FBXO28: variants seen among roughly 807,000 people sequenced by gnomAD.
The protein encoded by FBXO28 is F-box only protein 28.
Under a neutral mutation model 38.1 loss-of-function variants are expected in FBXO28, and 8 were observed. That is an observed-to-expected ratio of 0.21 (90% CI 0.12 to 0.38). The LOEUF is 0.38. FBXO28 is among the 10% of genes least tolerant of loss of function. FBXO28 has a pLI of 1.00. For missense variants in FBXO28, 345 were observed against 460.6 expected (o/e 0.75, Z 2.30); for synonymous variants, 168 against 173.8 (o/e 0.97, Z 0.26).
At chr1:224,154,694 G>C (rs544199051) in intron 4 of FBXO28, among the ~76,000 whole-genome samples, 11 of 152,116 alleles carry the variant, frequency 7.2e-5, no homozygotes, top group African/African-American at 1.4e-4. Flanking sequence ...TGTAGTTCCA[G>C]CTACTCAGGA....
intron 1 of FBXO28, among the ~76,000 whole-genome samples, chr1:224,128,292 C>T (rs1431725635): frequency 1.3e-5 from 2 of 150,644 alleles, no homozygotes; most frequent in Admixed American, 6.7e-5. Flanking sequence ...TGTACTGCAA[C>T]GTCTACCCCA....
At chr1:224,155,245 A>G (rs1013893075) in intron 4 of FBXO28, among the ~76,000 whole-genome samples, 1 of 151,718 alleles carries the variant, frequency 6.6e-6, no homozygotes. Flanking sequence ...TGCTCACTGC[A>G]ACGTCCGCCT....
intron 4 of FBXO28, among the ~76,000 whole-genome samples, chr1:224,154,173 C>G (rs1355972354): frequency 6.6e-6 from 1 of 152,208 alleles, no homozygotes; most frequent in South Asian, 2.1e-4. Flanking sequence ...GCCTAACCTA[C>G]CTTAAACATG....
chr1:224,154,497 C>T (rs112976434), intron 4 of FBXO28, among the ~76,000 whole-genome samples: 5 of 150,764 alleles, frequency 3.3e-5, no homozygotes, highest in African/African-American at 9.8e-5. Context: ...ATGGTAAAAC[C>T]GTGTCTCTAC....
chr1:224,124,428 C>G (rs7514140), intron 1 of FBXO28, among the ~76,000 whole-genome samples: 6,379 of 152,228 alleles, frequency 0.042, 162 homozygotes, highest in African/African-American at 0.062. Context: ...TCTTTAGGCT[C>G]CATATATTAG....
intron 1 of FBXO28, among the ~76,000 whole-genome samples, chr1:224,115,032 T>G (rs1447369682): frequency 6.6e-6 from 1 of 152,186 alleles, no homozygotes; most frequent in Non-Finnish European, 1.5e-5. Flanking sequence ...CTGCTTTGCC[T>G]CATCCTAACG....
chr1:224,132,760 G>A (rs1246450103), intron 2 of FBXO28, among the ~76,000 whole-genome samples: 6 of 151,104 alleles, frequency 4.0e-5, no homozygotes, highest in Non-Finnish European at 5.9e-5. Context: ...AGCCAAGATC[G>A]TGCCATTGTG....
At chr1:224,132,944 C>T (rs754623440) in intron 2 of FBXO28, among the ~76,000 whole-genome samples, 2 of 152,082 alleles carry the variant, frequency 1.3e-5, no homozygotes, top group African/African-American at 2.4e-5. Context: ...TGTACACAAA[C>T]GTTTTTAGCA....
chr1:224,158,211 G>A lies in FBXO28; in HGVS notation c.*465G>A. On this transcript the variant is annotated 3_prime_UTR_variant, in exon 5 of 5. Coordinates refer to ENST00000366862, the MANE Select transcript of FBXO28 (RefSeq NM_015176.4). ...CATCTTTTTGTTATAAGTGACCTTT[G>A]TCTGGAATGTCTGAAAAGTAGTTAA... 1.0e-6 allele frequency: 1 copy of A among 986,272 alleles called. No homozygotes were observed. Among genetic ancestry groups the A allele is most frequent in the Non-Finnish European group, 1.2e-6 (1 of 830,640 alleles). 61.1% of individuals were successfully genotyped at this position (986,272 alleles called of 1,614,324 possible). A position where few individuals can be genotyped will look rare whatever the true frequency, so the allele number is the denominator to read the frequency against.
At chr1:224,147,123 A>G (rs780293199) in intron 3 of FBXO28, among the ~76,000 whole-genome samples, 3 of 152,050 alleles carry the variant, frequency 2.0e-5, no homozygotes, top group Non-Finnish European at 2.9e-5. Context: ...ATATATGTAT[A>G]TTTAGAGAAG....
At chr1:224,119,408 A>G (rs575703829) in intron 1 of FBXO28, among the ~76,000 whole-genome samples, 4 of 151,862 alleles carry the variant, frequency 2.6e-5, no homozygotes, top group Admixed American at 2.6e-4. Context: ...AAGTGCTGGG[A>G]TTACAGGCAT....
At position 224,124,486 on chromosome 1, in the gene FBXO28, G is replaced by C. The variant is rs538131191; in HGVS notation, c.268-5986G>C. ...TCTTGGGTAAATTGCCAAATTGTTAGGATTTTTGTTTGGTTGTAGTTACTA... is the reference window on the plus strand; with the variant it reads ...TCTTGGGTAAATTGCCAAATTGTTACGATTTTTGTTTGGTTGTAGTTACTA... On this transcript the variant is annotated intron_variant, in intron 1 of 4. Coordinates refer to ENST00000366862, the MANE Select transcript of FBXO28 (RefSeq NM_015176.4). 3.8e-4 allele frequency among the ~76,000 whole-genome samples: 58 copies of C among 152,202 alleles called. 1 individual carries two copies. The highest frequency in any genetic ancestry group is 1.3e-3 in the African/African-American group (56 of 41,530).
intron 2 of FBXO28, among the ~76,000 whole-genome samples, chr1:224,133,295 T>C (rs1330127715): frequency 6.6e-6 from 1 of 152,168 alleles, no homozygotes; most frequent in Admixed American, 6.6e-5. Flanking sequence ...GTGGTGATAG[T>C]TGTACAATCC....
At chr1:224,120,455 C>G (rs569504328) in intron 1 of FBXO28, among the ~76,000 whole-genome samples, 1 of 152,290 alleles carries the variant, frequency 6.6e-6, no homozygotes, top group East Asian at 1.9e-4. Context: ...TTTGGAGGAG[C>G]CTGTTTTCCA....
rs1431701257 is a variant in FBXO28, at chr1:224,134,139, C to T, written c.443C>T (p.Thr148Ile). Reference protein sequence around the residue: ...RHADILAAVETRLSLLNMTFM... With the variant: ...RHADILAAVEIRLSLLNMTFM... ...GCAGACATTCTTGCTGCTGTTGAAA[C>T]AAGGCTGTCACTATTAAATATGACT... The change falls in exon 3 of 5, where the codon ACA becomes ATA. Residue 148 changes from threonine to isoleucine, a missense_variant. Physicochemically the swap from Thr to Ile is moderately conservative, Grantham distance 89. Coordinates refer to ENST00000366862, the MANE Select transcript of FBXO28 (RefSeq NM_015176.4). 6.2e-7 allele frequency: 1 copy of T among 1,610,916 alleles called. No homozygotes were observed. The highest frequency in any genetic ancestry group is 8.5e-7 in the Non-Finnish European group (1 of 1,178,746).
chr1:224,143,815 G>A lies in FBXO28; in HGVS notation c.517-9327G>A, dbSNP rs185290622. ...CACGCCACTGCACTCCAGCCTGGAC[G>A]ACAGAGCAAGACTCCATCTCAAAAA... On this transcript the variant is annotated intron_variant, in intron 3 of 4. Coordinates refer to ENST00000366862, the MANE Select transcript of FBXO28 (RefSeq NM_015176.4). 4.7e-3 allele frequency among the ~76,000 whole-genome samples: 643 copies of A among 137,224 alleles called. 4 individuals carry two copies. Among genetic ancestry groups the A allele is most frequent in the African/African-American group, 0.017 (604 of 35,734 alleles). The allele number at this position is 137,224 out of a possible 152,430, so 90.0% of individuals were successfully genotyped here. A position where few individuals can be genotyped will look rare whatever the true frequency, so the allele number is the denominator to read the frequency against.
intron 4 of FBXO28, among the ~76,000 whole-genome samples, chr1:224,157,053 C>G (rs534795142): frequency 6.6e-6 from 1 of 151,566 alleles, no homozygotes; most frequent in East Asian, 1.9e-4. Context: ...TATTTTGTTA[C>G]TAGGTTCTAA....
At chr1:224,144,109 G>T (rs1320562001) in intron 3 of FBXO28, among the ~76,000 whole-genome samples, 1 of 148,798 alleles carries the variant, frequency 6.7e-6, no homozygotes, top group East Asian at 2.0e-4. Context: ...AGCTGAGGTT[G>T]CGCCACTGTA....
chr1:224,131,984 G>A (rs1380791725), intron 2 of FBXO28, among the ~76,000 whole-genome samples: 1 of 152,170 alleles, frequency 6.6e-6, no homozygotes, highest in East Asian at 1.9e-4. Flanking sequence ...CAGGTGCAGT[G>A]GCTCACACCT....
Sources: gnomAD v4.1 joint callset for allele counts (sites outside exome capture counted in the v4.1 genomes callset) on GRCh38, gnomAD v4.1.1 for gene constraint, MANE v1.5 for transcripts, NCBI Gene and HGNC (gene_info 2026-07-23, HGNC 2026-07-21) for gene names.